SYNDIG1: variants seen among roughly 807,000 people sequenced by gnomAD.
SYNDIG1 encodes synapse differentiation-inducing gene protein 1.
A neutral mutation model predicts 19.4 loss-of-function variants in SYNDIG1; 9 were observed. That is an observed-to-expected ratio of 0.46 (90% CI 0.28 to 0.81). The LOEUF (loss-of-function observed/expected upper bound fraction) is 0.81, where lower values mean the gene tolerates loss of function less well. Among genes scored for constraint, SYNDIG1 ranks in the 30% least tolerant of loss-of-function variants. The probability of loss-of-function intolerance (pLI) is 0.12; values close to 1 mark genes in which losing one functional copy is unlikely to be tolerated. For missense variants in SYNDIG1, 311 were observed against 343.3 expected (o/e 0.91, Z 0.74); for synonymous variants, 141 against 145.9 (o/e 0.97, Z 0.24).
intron 2 of SYNDIG1, among the ~76,000 whole-genome samples, chr20:24,581,886 A>G (rs1438659916): frequency 7.5e-6 from 1 of 133,606 alleles, no homozygotes; most frequent in Non-Finnish European, 1.6e-5. Flanking sequence ...AGTCCTTCCA[A>G]CTGCACAGCC....
chr20:24,593,191 C>A (rs1334529368), intron 3 of SYNDIG1, among the ~76,000 whole-genome samples: 1 of 152,190 alleles, frequency 6.6e-6, no homozygotes, highest in Non-Finnish European at 1.5e-5. Context: ...GATAGACATC[C>A]TCCCCTCCTC....
intron 1 of SYNDIG1, among the ~76,000 whole-genome samples, chr20:24,508,218 ATTTT>A (rs34436263): frequency 3.0e-4 from 22 of 73,236 alleles, no homozygotes; most frequent in Admixed American, 5.1e-4. Context: ...AAGGAGGATA[ATTTT>A]TTTTTTTTTT....
Position 24,483,241 on chromosome 20 carries a change from T to G in SYNDIG1, c.-79+13488T>G, listed in dbSNP as rs73901839. Among the ~76,000 whole-genome samples the G allele has an allele frequency of 7.5e-3, 1,145 of 152,296 alleles. 13 individuals are homozygous for G. The highest frequency in any genetic ancestry group is 0.026 in the African/African-American group (1,092 of 41,562). On this transcript the variant is annotated intron_variant, in intron 1 of 3. Transcript: ENST00000376862. The stretch of plus-strand genomic sequence containing the variant: ...TCCAAGCCGTGGGCACTCACACGCA[T>G]GCAGAGAAAGGTGTGCATGTGTGGA...
At chr20:24,652,203 A>C (rs1002514344) in intron 3 of SYNDIG1, among the ~76,000 whole-genome samples, 1 of 152,208 alleles carries the variant, frequency 6.6e-6, no homozygotes, top group Non-Finnish European at 1.5e-5. Flanking sequence ...GATTGACGGG[A>C]AAGCCAGACA....
chr20:24,655,453 G>A (rs757080691), intron 3 of SYNDIG1, among the ~76,000 whole-genome samples: 1 of 152,186 alleles, frequency 6.6e-6, no homozygotes, highest in Non-Finnish European at 1.5e-5. Flanking sequence ...GTCGGTCAGT[G>A]ATAGGTAGTT....
chr20:24,570,757 A>G (rs76156808), intron 2 of SYNDIG1, among the ~76,000 whole-genome samples: 113 of 152,346 alleles, frequency 7.4e-4, no homozygotes, highest in Middle Eastern at 3.4e-3. Flanking sequence ...CAAACACCAT[A>G]TGACCCAGCA....
intron 3 of SYNDIG1, among the ~76,000 whole-genome samples, chr20:24,650,837 C>G (rs897306105): frequency 1.8e-4 from 4 of 22,148 alleles, no homozygotes; most frequent in South Asian, 1.4e-3. Flanking sequence ...TTTCTTGTTT[C>G]TTTCTTTTTT....
At chr20:24,542,843 G>A (rs992142407) in intron 1 of SYNDIG1, among the ~76,000 whole-genome samples, 177 bp from the exon 2 acceptor site, 1 of 152,154 alleles carries the variant, frequency 6.6e-6, no homozygotes, top group Admixed American at 6.5e-5. Context: ...CTGGCTAGCC[G>A]CCCCCACAGA....
At chr20:24,532,025 A>G (rs1354686130) in intron 1 of SYNDIG1, among the ~76,000 whole-genome samples, 1 of 152,054 alleles carries the variant, frequency 6.6e-6, no homozygotes, top group Non-Finnish European at 1.5e-5. Flanking sequence ...AACATCTACT[A>G]TGTTGTCACT....
intron 1 of SYNDIG1, among the ~76,000 whole-genome samples, chr20:24,486,478 C>G (rs955897295): frequency 6.6e-6 from 1 of 152,212 alleles, no homozygotes; most frequent in African/African-American, 2.4e-5. Flanking sequence ...AATATTAAAG[C>G]AGCAGCTGAA....
chr20:24,587,213 GA>G, intron 3 of SYNDIG1, among the ~76,000 whole-genome samples: 1 of 152,330 alleles, frequency 6.6e-6, no homozygotes, highest in Non-Finnish European at 1.5e-5. Context: ...GCGTAGAGAG[GA>G]GCTCTCAGGG....
At chr20:24,575,549 C>T (rs2058213535) in intron 2 of SYNDIG1, among the ~76,000 whole-genome samples, 1 of 152,186 alleles carries the variant, frequency 6.6e-6, no homozygotes, top group African/African-American at 2.4e-5. Context: ...CCCAAACGCT[C>T]ACAATGGGAA....
intron 1 of SYNDIG1, among the ~76,000 whole-genome samples, chr20:24,512,751 G>A (rs2056777154): frequency 6.6e-6 from 1 of 152,170 alleles, no homozygotes; most frequent in African/African-American, 2.4e-5. Flanking sequence ...ACTTAAATGT[G>A]TCTGTCTGAC....
chr20:24,540,535 T>C (rs1175570468), intron 1 of SYNDIG1, among the ~76,000 whole-genome samples: 3 of 152,198 alleles, frequency 2.0e-5, no homozygotes, highest in Admixed American at 6.5e-5. Context: ...TTTGTTGAGG[T>C]AATTTCTTTC....
chr20:24,651,068 G>A (rs985147031), intron 3 of SYNDIG1, among the ~76,000 whole-genome samples: 1 of 152,142 alleles, frequency 6.6e-6, no homozygotes, highest in Non-Finnish European at 1.5e-5. Context: ...GAACTCCTGA[G>A]CTCAGGCAAT....
At chr20:24,521,330 CAG>C (rs1337633361) in intron 1 of SYNDIG1, among the ~76,000 whole-genome samples, 1 of 152,050 alleles carries the variant, frequency 6.6e-6, no homozygotes, top group African/African-American at 2.4e-5. Flanking sequence ...TTTTAAGAGA[CAG>C]GGCCTTACTC....
chr20:24,660,257 C>A (rs2059570976), intron 3 of SYNDIG1, among the ~76,000 whole-genome samples: 1 of 152,220 alleles, frequency 6.6e-6, no homozygotes, highest in African/African-American at 2.4e-5. Flanking sequence ...AATGTCCACT[C>A]ATTTACGGGA....
intron 3 of SYNDIG1, among the ~76,000 whole-genome samples, chr20:24,660,972 G>T (rs1053803116): frequency 1.3e-5 from 2 of 152,242 alleles, no homozygotes; most frequent in African/African-American, 4.8e-5. Context: ...TGCTGGACAT[G>T]CATGGAGCCA....
intron 1 of SYNDIG1, among the ~76,000 whole-genome samples, chr20:24,471,002 C>T (rs1373604424): frequency 1.3e-5 from 2 of 152,110 alleles, no homozygotes; most frequent in East Asian, 3.9e-4. Flanking sequence ...ACAGTGGCTC[C>T]GTTTTCTGGT....
Sources: allele counts gnomAD v4.1 joint callset (sites outside exome capture counted in the v4.1 genomes callset), GRCh38; gene constraint gnomAD v4.1.1; transcripts MANE v1.5; gene names NCBI Gene and HGNC (gene_info 2026-07-23, HGNC 2026-07-21).